The following WDR43 variants were observed in gnomAD, a reference collection of about 807,000 sequenced individuals.
The protein encoded by WDR43 is WD repeat domain 43, also known as WD repeat-containing protein 43.
Under a neutral mutation model 91.4 loss-of-function variants are expected in WDR43, and 13 were observed. The observed-to-expected ratio is 0.14, with a 90% CI of 0.09 to 0.23. The LOEUF is 0.23. Ranked by LOEUF, WDR43 falls within the 10% of genes least tolerant of loss-of-function variation. The pLI is 1.00. For synonymous variants in WDR43, 331 were observed against 287.9 expected, an observed-to-expected ratio of 1.15 and a Z score of -1.51; for missense variants, 780 against 809.4, an observed-to-expected ratio of 0.96 and a Z score of 0.44.
At position 28,941,474 on chromosome 2, in the gene WDR43, T is replaced by G. The variant is rs1671435958; in HGVS notation, c.1634T>G (p.Val545Gly). 6.2e-7 allele frequency: 1 copy of G among 1,612,876 alleles called. No individual in the cohort carries two copies. The highest frequency in any genetic ancestry group is 1.3e-5 in the African/African-American group (1 of 74,912). The change falls in exon 15 of 18, where the codon GTA becomes GGA. Residue 545 changes from valine to glycine, a missense_variant. Val to Gly is a moderately radical substitution (Grantham distance 109). This residue lies in a region of WDR43 where 426 missense variants were observed against 467.8 expected (regional missense o/e 0.91). Transcript: ENST00000407426. ...ASYLSTLPDL[V>G]PQLGTLYQLM... ...TTTTTTCTCTAGTTGCCTGACCTGGTACCCCAGCTGGGGACACTCTACCAG... is the reference window on the plus strand; with the variant it reads ...TTTTTTCTCTAGTTGCCTGACCTGGGACCCCAGCTGGGGACACTCTACCAG...
rs1341412342 is a variant in WDR43 at position 28,894,684 on chromosome 2, G to T, written c.-15G>T. The T allele has an allele frequency of 1.3e-6, 2 of 1,545,840 alleles. No individual in the cohort carries two copies. The highest frequency in any genetic ancestry group is 2.0e-5 in the Admixed American group (1 of 50,922). ...GCACGGACGAACACGTGGCTGCAGC[G>T]GGGCCAGAGCAGCAATGGCGGCGGG... On this transcript the variant is annotated 5_prime_UTR_variant, in exon 1 of 18. Transcript: ENST00000407426.
Position 28,894,891 on chromosome 2 carries a change from C to T in WDR43, c.193C>T (p.Leu65=), listed in dbSNP as rs766172800. 29 of 1,603,244 alleles carry T rather than the reference C, an allele frequency of 1.8e-5. No homozygotes were observed. Among genetic ancestry groups the T allele is most frequent in the Non-Finnish European group, 2.2e-5 (26 of 1,175,452 alleles). Residue 65 remains leucine, a synonymous_variant, in exon 1 of 18, where the codon CTG becomes TTG. Transcript: ENST00000407426. ...GCACCTCAGTGGTACCTGCACCTGT[C>T]TGGCCTGGGCGCCAGCGCGGCTGCA... ...SAHLSGTCTC[L]AWAPARLQAK...
At chr2:28,927,807 T>G (rs890332376) in intron 10 of WDR43, 107 bp downstream of exon 10, 10 of 1,403,688 alleles carry the variant, frequency 7.1e-6, no homozygotes, top group Non-Finnish European at 9.7e-6. Flanking sequence ...AGAAATTTAC[T>G]GAGATTTCTC....
chr2:28,929,472 G>A (rs1671200703), intron 10 of WDR43, 107 bp from the exon 11 acceptor site: 1 of 1,062,684 alleles, frequency 9.4e-7, no homozygotes, highest in African/African-American at 1.6e-5. Flanking sequence ...GTGTTTTCTA[G>A]GGTTGAGGTG....
intron 1 of WDR43, among the ~76,000 whole-genome samples, chr2:28,901,467 T>C (rs1267608106): frequency 6.6e-6 from 1 of 152,234 alleles, no homozygotes; most frequent in Non-Finnish European, 1.5e-5. Context: ...ATTTGTTGAC[T>C]CAAATTGAAG....
intron 3 of WDR43, among the ~76,000 whole-genome samples, chr2:28,907,469 T>TGG (rs1670704753): frequency 4.6e-5 from 1 of 21,880 alleles, no homozygotes; most frequent in African/African-American, 9.5e-5. Flanking sequence ...AAAAAAAAAA[T>TGG]TGGGTGTGGT....
At chr2:28,938,514 G>A (rs931634270) in intron 14 of WDR43, among the ~76,000 whole-genome samples, 6 of 152,032 alleles carry the variant, frequency 3.9e-5, no homozygotes, top group Non-Finnish European at 7.4e-5. Context: ...AATATGAGTT[G>A]GGTTCTTTGC....
At position 28,913,908 on chromosome 2, in the gene WDR43, A is replaced by G. The variant is rs79550638; in HGVS notation, c.607-161A>G. Reference sequence around the variant, plus strand: ...TTTTAAAAAGTGGGAGAATTATAGCACAAATAACCTTATTTGCTTAGAATT... The same window carrying G: ...TTTTAAAAAGTGGGAGAATTATAGCGCAAATAACCTTATTTGCTTAGAATT... On this transcript the variant is annotated intron_variant, in intron 4 of 17. Coordinates refer to ENST00000407426, the MANE Select transcript of WDR43 (RefSeq NM_015131.3). Among the ~76,000 whole-genome samples, 738 of 152,340 alleles carry G rather than the reference A, an allele frequency of 4.8e-3. 18 individuals carry two copies. Among genetic ancestry groups the G allele is most frequent in the Admixed American group, 0.026 (401 of 15,302 alleles).
intron 9 of WDR43, 103 bp downstream of exon 9, chr2:28,926,657 A>G (rs1671149279): frequency 1.0e-6 from 1 of 977,604 alleles, no homozygotes; most frequent in Admixed American, 2.8e-5. Flanking sequence ...TTATTCTTTA[A>G]TATCTTTATT....
intron 11 of WDR43, among the ~76,000 whole-genome samples, chr2:28,932,179 C>T (rs1671260449): frequency 6.6e-6 from 1 of 152,028 alleles, no homozygotes; most frequent in Non-Finnish European, 1.5e-5. Flanking sequence ...AATTTTTATT[C>T]TATTGATTGA....
chr2:28,938,074 A>G, intron 14 of WDR43, 80 bp downstream of exon 14: 1 of 1,451,484 alleles, frequency 6.9e-7, no homozygotes, highest in Non-Finnish European at 9.6e-7. Flanking sequence ...AGTATGGCTG[A>G]ACAAAACCAT....
intron 11 of WDR43, among the ~76,000 whole-genome samples, chr2:28,931,203 T>C (rs1671235504): frequency 6.6e-6 from 1 of 151,812 alleles, no homozygotes; most frequent in African/African-American, 2.4e-5. Flanking sequence ...TGCCTCAGCC[T>C]CCCGAATTGC....
At position 28,925,197 on chromosome 2, in the gene WDR43, T is replaced by C. The variant is rs200963746; in HGVS notation, c.1086+44T>C. On this transcript the variant is annotated intron_variant, in intron 8 of 17. Coordinates refer to ENST00000407426, the MANE Select transcript of WDR43 (RefSeq NM_015131.3). ...GGAGTAAAGCAATATAGCATCCCTGTGTCCATGGAAGAGAGTGATTTTAAA... is the reference window on the plus strand; with the variant it reads ...GGAGTAAAGCAATATAGCATCCCTGCGTCCATGGAAGAGAGTGATTTTAAA... 1.4e-4 allele frequency: 209 copies of C among 1,507,594 alleles called. No homozygotes were observed. In the African/African-American group the frequency reaches 2.4e-3, roughly 17 times the overall value. 93.4% of individuals were successfully genotyped at this position (1,507,594 alleles called of 1,614,324 possible).
At chr2:28,936,876 G>A (rs1345147431) in intron 12 of WDR43, 46 bp from the exon 13 acceptor site, 4 of 1,521,840 alleles carry the variant, frequency 2.6e-6, no homozygotes, top group East Asian at 2.4e-5. Flanking sequence ...GACAGCATTG[G>A]TTGCCTCTGA....
intron 16 of WDR43, among the ~76,000 whole-genome samples, chr2:28,945,938 T>C (rs1369035316): frequency 2.0e-5 from 3 of 151,200 alleles, no homozygotes; most frequent in African/African-American, 4.9e-5. Context: ...GTGGCCCTGA[T>C]AGGGCTTAGT....
intron 3 of WDR43, among the ~76,000 whole-genome samples, chr2:28,907,399 G>A (rs1344607031): frequency 6.9e-6 from 1 of 143,942 alleles, no homozygotes; most frequent in Admixed American, 7.3e-5. Flanking sequence ...AAGGTGGGAG[G>A]ATTGCTTGAG....
intron 3 of WDR43, among the ~76,000 whole-genome samples, chr2:28,912,307 C>G (rs1464476045): frequency 6.6e-6 from 1 of 152,140 alleles, no homozygotes. Context: ...ATTTTACATT[C>G]TTATCACTCT....
intron 14 of WDR43, 66 bp downstream of exon 14, chr2:28,938,060 G>A: frequency 6.5e-7 from 1 of 1,532,116 alleles, no homozygotes; most frequent in Non-Finnish European, 9.0e-7. Context: ...TGTAAACTTT[G>A]ACAAGTATGG....
chr2:28,930,180 T>C (rs1273727174), intron 11 of WDR43: 1 of 461,964 alleles, frequency 2.2e-6, no homozygotes, highest in Non-Finnish European at 4.5e-6. Flanking sequence ...TTCAAGAGGG[T>C]TGGGGGTTAT....
Sources: allele counts gnomAD v4.1 joint callset (sites outside exome capture counted in the v4.1 genomes callset), GRCh38; gene constraint gnomAD v4.1.1; regional missense constraint gnomAD v4.1.1; transcripts MANE v1.5; gene names NCBI Gene and HGNC (gene_info 2026-07-23, HGNC 2026-07-21).